SP140: variants seen among roughly 807,000 people sequenced by gnomAD.
The protein encoded by SP140 is nuclear body protein SP140.
Under a neutral mutation model 125.0 loss-of-function variants are expected in SP140, and 81 were observed. That is an observed-to-expected ratio of 0.65 (90% CI 0.54 to 0.78). SP140 has a LOEUF of 0.78. Ranked by LOEUF, SP140 falls within the 30% of genes least tolerant of loss-of-function variation. SP140 has a pLI of 0.00. For synonymous variants in SP140, 312 were observed against 354.0 expected (o/e 0.88, Z 1.33); for missense variants, 858 against 1,037.0 (o/e 0.83, Z 2.37).
chr2:230,200,188 G>A (rs1029447633), upstream of SP140, among the ~76,000 whole-genome samples: 1 of 152,106 alleles, frequency 6.6e-6, no homozygotes, highest in East Asian at 1.9e-4. Context: ...GATATTTGTT[G>A]TTTGAAAATC....
At position 230,241,465 on chromosome 2, in the gene SP140, A is replaced by G. The variant is rs146655033; in HGVS notation, c.468A>G (p.Arg156=). ...TAAACGATTTAGAAGATAGACCCAG[A>G]TTACTACCATATGGTAAACAAGGTA... ...NNVNDLEDRP[R]LLPYGKQENS... is the part of the protein sequence containing the mutation. Residue 156 remains arginine (R), a synonymous_variant, in exon 4 of 27, where the codon AGA becomes AGG. Transcript: ENST00000392045. The G allele has an allele frequency of 2.7e-4, 421 of 1,579,950 alleles. No homozygotes were observed. The African/African-American group carries it at 4.9e-3, about 18-fold the overall frequency.
chr2:230,301,538 C>T (rs2058283615), intron 22 of SP140, among the ~76,000 whole-genome samples: 1 of 152,154 alleles, frequency 6.6e-6, no homozygotes, highest in African/African-American at 2.4e-5. Context: ...AGAAACTAAG[C>T]TTCATAAATG....
intron 18 of SP140, among the ~76,000 whole-genome samples, chr2:230,290,149 A>G (rs1483151133): frequency 1.3e-5 from 2 of 152,180 alleles, no homozygotes; most frequent in Non-Finnish European, 2.9e-5. Context: ...CAGAACAGTG[A>G]CAGCAACTGT....
rs41553213 is a variant in SP140 at position 230,208,318 on chromosome 2, T to A, written c.-323+5039T>A. Among the ~76,000 whole-genome samples the A allele has an allele frequency of 0.041, 6,197 of 152,186 alleles. 295 individuals carry two copies. Among genetic ancestry groups the A allele is most frequent in the African/African-American group, 0.12 (4,863 of 41,500 alleles). On this transcript the variant is annotated intron_variant, in intron 1 of 4. Transcript: ENST00000456542. The stretch of plus-strand genomic sequence containing the variant: ...TTGGTTGTGAAATGAAGGAGAGAGA[T>A]ATGGAAGTAGTTGAAGTGAGATGAG...
In SP140 at chr2:230,287,421, C is replaced by T. The variant is rs530377269; in HGVS notation, c.1646-471C>T. On this transcript the variant is annotated intron_variant, in intron 17 of 26. Transcript: ENST00000392045. ...GTGTCTCTGCTGAGAGAAACTGAAA[C>T]GCCTTCACTTAATTTTGTAGTTTTG... 1.7e-4 allele frequency among the ~76,000 whole-genome samples: 26 copies of T among 152,250 alleles called. No homozygotes were observed. In the South Asian group the frequency reaches 2.9e-3, roughly 17 times the overall value.
At chr2:230,246,569 G>C (rs2049481892) in intron 7 of SP140, among the ~76,000 whole-genome samples, 1 of 152,102 alleles carries the variant, frequency 6.6e-6, no homozygotes, top group African/African-American at 2.4e-5. Flanking sequence ...CAAAGGGAAG[G>C]GTCCCTGCCC....
chr2:230,276,373 A>G (rs1011855615), intron 15 of SP140, among the ~76,000 whole-genome samples: 1 of 152,170 alleles, frequency 6.6e-6, no homozygotes, highest in Non-Finnish European at 1.5e-5. Context: ...TACTCTGCCT[A>G]TGCTGTATAA....
intron 3 of SP140, among the ~76,000 whole-genome samples, chr2:230,217,695 A>G (rs1010524208): frequency 1.3e-5 from 2 of 152,218 alleles, no homozygotes; most frequent in Admixed American, 6.5e-5. Context: ...AGAGAGTGGA[A>G]GAGCTGGGAG....
At chr2:230,273,842 C>A (rs978405344) in intron 15 of SP140, among the ~76,000 whole-genome samples, 1 of 152,124 alleles carries the variant, frequency 6.6e-6, no homozygotes, top group Non-Finnish European at 1.5e-5. Flanking sequence ...CAAACTAATG[C>A]AGGAACAGAA....
chr2:230,217,244 T>TAAAAA (rs2045309157), intron 3 of SP140, among the ~76,000 whole-genome samples: 2 of 30,044 alleles, frequency 6.7e-5, no homozygotes, highest in African/African-American at 2.3e-4. Context: ...AGACTCCATC[T>TAAAAA]CAAAAAAAAA....
In SP140 at chr2:230,225,876, C is replaced by A; in HGVS notation, c.32C>A (p.Ala11Glu). The A allele has an allele frequency of 1.2e-6, 2 of 1,613,958 alleles. No individual in the cohort carries two copies. Among genetic ancestry groups the A allele is most frequent in the Non-Finnish European group, 1.7e-6 (2 of 1,179,832 alleles). ...CAGCAGGGCCAGCAGGGGCAGATGG[C>A]AAGTGGAGACAGCAATCTCAACTTC... MAQQGQQGQM[A>E]SGDSNLNFRM... The change falls in exon 1 of 27, where the codon GCA (alanine) becomes GAA (glutamate). Residue 11 changes from alanine (A) to glutamate (E), a missense_variant. Transcript: ENST00000392045.
In SP140 at chr2:230,270,646, A is replaced by T; in HGVS notation, c.1498+7A>T. ...AAACCCAAGAGGAAAAGAAGTAAGA[A>T]TAAATAAGAATTTATTTGCTTTTGG... is the stretch of plus-strand genomic sequence containing the variant. On this transcript the variant is annotated splice_region_variant and intron_variant, in intron 15 of 26. Transcript: ENST00000392045. 1.9e-6 allele frequency: 3 copies of T among 1,600,112 alleles called. No homozygotes were observed. Among genetic ancestry groups the T allele is most frequent in the Non-Finnish European group, 2.6e-6 (3 of 1,168,672 alleles).
At chr2:230,244,934 A>C in intron 5 of SP140, 54 bp from the exon 6 acceptor site, 1 of 1,290,130 alleles carries the variant, frequency 7.8e-7, no homozygotes, top group Non-Finnish European at 1.1e-6. Flanking sequence ...ACCAGGATTC[A>C]GCAGGAGCAT....
chr2:230,310,562 T>C lies in SP140; in HGVS notation c.2175-181T>C, dbSNP rs1310334194. ...ACTTCCTGCCTGCTGCTACCACTGA[T>C]GCGAGGGAAAGGCCAATGGCTGGAG... On this transcript the variant is annotated intron_variant, in intron 23 of 26. Transcript: ENST00000392045. 2.0e-5 allele frequency among the ~76,000 whole-genome samples: 3 copies of C among 152,048 alleles called. No homozygotes were observed. The Admixed American group carries it at 2.0e-4, about 10-fold the overall frequency.
chr2:230,282,861 T>A (rs1336119815), intron 15 of SP140, among the ~76,000 whole-genome samples: 1 of 152,186 alleles, frequency 6.6e-6, no homozygotes, highest in Admixed American at 6.5e-5. Context: ...GTGAACAGTG[T>A]CTCTTACGTG....
intron 4 of SP140, among the ~76,000 whole-genome samples, chr2:230,242,755 C>T (rs138054674): frequency 2.3e-4 from 35 of 152,262 alleles, no homozygotes; most frequent in Admixed American, 2.6e-4. Flanking sequence ...CCCTCAAATA[C>T]ATGCCAGTTA....
chr2:230,261,319 C>T (rs2052197617), intron 12 of SP140, among the ~76,000 whole-genome samples: 1 of 152,244 alleles, frequency 6.6e-6, no homozygotes, highest in East Asian at 1.9e-4. Flanking sequence ...AGAAAGTTTG[C>T]TGAATTCTTT....
At chr2:230,210,756 G>A (rs1344531970) in intron 1 of SP140, among the ~76,000 whole-genome samples, 1 of 152,222 alleles carries the variant, frequency 6.6e-6, no homozygotes, top group African/African-American at 2.4e-5. Flanking sequence ...ACTGCATTGA[G>A]ATTGGTCTCA....
intron 1 of SP140, chr2:230,212,781 T>C: frequency 6.2e-7 from 1 of 1,614,110 alleles, no homozygotes; most frequent in Non-Finnish European, 8.5e-7. Flanking sequence ...TCTTCCTTCC[T>C]GGATGAGTGC....
Sources: allele counts gnomAD v4.1 joint callset (sites outside exome capture counted in the v4.1 genomes callset), GRCh38; gene constraint gnomAD v4.1.1; transcripts MANE v1.5; gene names NCBI Gene and HGNC (gene_info 2026-07-23, HGNC 2026-07-21).